Variants in GPATCH8 observed in about 807,000 individuals in gnomAD.
GPATCH8 encodes the protein G-patch domain containing 8, also known as G patch domain-containing protein 8.
Under a neutral mutation model 118.3 loss-of-function variants are expected in GPATCH8, and 18 were observed. That is an observed-to-expected ratio of 0.15 (90% CI 0.11 to 0.23). The LOEUF (loss-of-function observed/expected upper bound fraction) is 0.23. GPATCH8 is among the 10% of genes least tolerant of loss of function. The pLI, the probability that GPATCH8 is intolerant of heterozygous loss-of-function variation, is 1.00. For synonymous variants in GPATCH8, 659 were observed against 684.7 expected (o/e 0.96, Z 0.59); for missense variants, 1,631 against 1,873.8 (o/e 0.87, Z 2.39).
intron 6 of GPATCH8, among the ~76,000 whole-genome samples, chr17:44,411,438 A>C (rs988184946): frequency 6.6e-6 from 1 of 152,160 alleles, no homozygotes; most frequent in Non-Finnish European, 1.5e-5. Context: ...TGACACTAGG[A>C]GTTTATATTT....
chr17:44,444,501 G>A (rs2050805652), intron 3 of GPATCH8, among the ~76,000 whole-genome samples: 1 of 151,976 alleles, frequency 6.6e-6, no homozygotes, highest in Non-Finnish European at 1.5e-5. Context: ...GGCCAGGCAT[G>A]GTGGCTCACG....
At position 44,395,611 on chromosome 17, in the gene GPATCH8, A is replaced by C. The variant is rs1439406638; in HGVS notation, c.*1957T>G. Reference sequence around the variant, plus strand: ...TTCATTTTTCCAGTGCTAGTTATCCAAGAAGTGATGCTTCTGAATCAGATG... The same window carrying C: ...TTCATTTTTCCAGTGCTAGTTATCCCAGAAGTGATGCTTCTGAATCAGATG... On this transcript the variant is annotated 3_prime_UTR_variant, in exon 8 of 8. Transcript: ENST00000591680. 2.2e-6 allele frequency: 1 copy of C among 454,296 alleles called. No homozygotes were observed. The highest frequency in any genetic ancestry group is 2.0e-5 in the African/African-American group (1 of 50,140). 28.1% of individuals were successfully genotyped at this position (454,296 alleles called of 1,614,324 possible).
intron 1 of GPATCH8, among the ~76,000 whole-genome samples, chr17:44,493,054 G>GTTT (rs398039127): frequency 2.4e-5 from 3 of 124,384 alleles, no homozygotes; most frequent in Non-Finnish European, 4.9e-5. Flanking sequence ...AAGCCATTAG[G>GTTT]TTTTTTTTTT....
chr17:44,476,314 C>T (rs1045047050), intron 1 of GPATCH8, among the ~76,000 whole-genome samples: 2 of 151,974 alleles, frequency 1.3e-5, no homozygotes, highest in South Asian at 2.1e-4. Context: ...AAGTGGTATT[C>T]GTGCCTCAGC....
chr17:44,476,394 A>G (rs1336702721), intron 1 of GPATCH8, among the ~76,000 whole-genome samples: 1 of 152,104 alleles, frequency 6.6e-6, no homozygotes, highest in Non-Finnish European at 1.5e-5. Context: ...TAGTAGAGTC[A>G]GGGTTTCACC....
intron 1 of GPATCH8, among the ~76,000 whole-genome samples, chr17:44,480,132 C>T (rs577017940): frequency 6.6e-6 from 1 of 152,122 alleles, no homozygotes; most frequent in East Asian, 1.9e-4. Context: ...AAAAAACAAC[C>T]CAATTTTTAA....
At chr17:44,490,225 T>C (rs1408600289) in intron 1 of GPATCH8, among the ~76,000 whole-genome samples, 2 of 152,078 alleles carry the variant, frequency 1.3e-5, no homozygotes, top group African/African-American at 2.4e-5. Context: ...GGAGGATCCC[T>C]TGAGTCCAGG....
In GPATCH8 at chr17:44,436,504, T is replaced by C; in HGVS notation, c.235A>G (p.Met79Val). The change falls in exon 4 of 8, where the codon ATG becomes GTG. Residue 79 changes from methionine (M) to valine (V), a missense_variant. This residue lies in a region of GPATCH8 where 81 missense variants were observed against 227.6 expected (regional missense o/e 0.36). Coordinates refer to ENST00000591680, the MANE Select transcript of GPATCH8 (RefSeq NM_001002909.4). Reference sequence around the variant, plus strand: ...TCCATTTCCATGCGACCCATGCCCATGACATCATACTTGACAACGATTGGA... The same window carrying C: ...TCCATTTCCATGCGACCCATGCCCACGACATCATACTTGACAACGATTGGA... ...PIPIVVKYDV[M>V]GMGRMEMELD... 1 of 1,492,858 alleles carries C rather than the reference T, an allele frequency of 6.7e-7. No individual in the cohort carries two copies. The highest frequency in any genetic ancestry group is 1.4e-5 in the African/African-American group (1 of 72,704). The allele number at this position is 1,492,858 out of a possible 1,614,324, so 92.5% of individuals were successfully genotyped here.
At chr17:44,421,947 G>C (rs1167906694) in intron 6 of GPATCH8, among the ~76,000 whole-genome samples, 1 of 151,430 alleles carries the variant, frequency 6.6e-6, no homozygotes, top group Non-Finnish European at 1.5e-5. Context: ...GGCTGGTCTC[G>C]AATTGGCTTC....
intron 6 of GPATCH8, among the ~76,000 whole-genome samples, chr17:44,411,187 GATC>G (rs1398932504): frequency 6.6e-6 from 1 of 152,180 alleles, no homozygotes; most frequent in Non-Finnish European, 1.5e-5. Flanking sequence ...GGGCTTTGCA[GATC>G]ATCTGTAAAA....
chr17:44,430,926 C>T (rs1202700307), intron 5 of GPATCH8, among the ~76,000 whole-genome samples: 3 of 151,006 alleles, frequency 2.0e-5, no homozygotes, highest in Non-Finnish European at 4.4e-5. Context: ...GCTGGGATTA[C>T]AGGTGTGAGC....
intron 6 of GPATCH8, among the ~76,000 whole-genome samples, chr17:44,423,387 A>G (rs574254565): frequency 6.6e-6 from 1 of 152,210 alleles, no homozygotes; most frequent in Non-Finnish European, 1.5e-5. Flanking sequence ...CAACCAGCTT[A>G]CAAATTCTTC....
intron 2 of GPATCH8, among the ~76,000 whole-genome samples, chr17:44,470,680 T>C (rs1427230100): frequency 6.6e-6 from 1 of 152,122 alleles, no homozygotes; most frequent in African/African-American, 2.4e-5. Context: ...TGGCTACTTT[T>C]TGTATTTTTA....
At chr17:44,430,514 C>A (rs1475090246) in intron 5 of GPATCH8, among the ~76,000 whole-genome samples, 1 of 152,108 alleles carries the variant, frequency 6.6e-6, no homozygotes, top group Non-Finnish European at 1.5e-5. Flanking sequence ...CTAAACAAAG[C>A]AGGAATTTCT....
intron 2 of GPATCH8, among the ~76,000 whole-genome samples, chr17:44,470,299 G>C (rs1200822655): frequency 1.3e-5 from 2 of 152,046 alleles, no homozygotes; most frequent in Non-Finnish European, 2.9e-5. Flanking sequence ...TTGGGTTCAA[G>C]CGATTCTCCT....
At chr17:44,483,115 C>T (rs1271322805) in intron 1 of GPATCH8, among the ~76,000 whole-genome samples, 6 of 108,984 alleles carry the variant, frequency 5.5e-5, no homozygotes, top group African/African-American at 7.3e-5. Context: ...GAGACAGCAC[C>T]ACTGCACTCT....
At chr17:44,450,970 C>T (rs909712134) in intron 3 of GPATCH8, among the ~76,000 whole-genome samples, 1 of 152,196 alleles carries the variant, frequency 6.6e-6, no homozygotes, top group Admixed American at 6.5e-5. Flanking sequence ...TAAGCTTCCA[C>T]TGTACCTTTA....
intron 2 of GPATCH8, among the ~76,000 whole-genome samples, chr17:44,466,278 G>A (rs1341561747): frequency 6.6e-6 from 1 of 152,104 alleles, no homozygotes; most frequent in African/African-American, 2.4e-5. Flanking sequence ...AAAGTACTGG[G>A]ATTACAGGCA....
Position 44,435,143 on chromosome 17 carries a change from A to G in GPATCH8, c.270T>C (p.Tyr90=), listed in dbSNP as rs768894997. ...GMGRMEMELD[Y]AEDATERRRV... is the part of the protein sequence containing the mutation. ...GGCGCCGTTCGGTAGCATCTTCAGC[A>G]TAATCAAGCTTGACAAAAATAGATA... Residue 90 remains tyrosine, a synonymous_variant, in exon 5 of 8, where the codon TAT becomes TAC. Transcript: ENST00000591680. The G allele has an allele frequency of 1.4e-6, 2 of 1,456,542 alleles. No individual in the cohort carries two copies. The highest frequency in any genetic ancestry group is 2.3e-5 in the South Asian group (2 of 87,862). 90.2% of individuals were successfully genotyped at this position (1,456,542 alleles called of 1,614,324 possible). A position where few individuals can be genotyped will look rare whatever the true frequency, so the allele number is the denominator to read the frequency against.
Sources: allele counts gnomAD v4.1 joint callset (sites outside exome capture counted in the v4.1 genomes callset), GRCh38; gene constraint gnomAD v4.1.1; regional missense constraint gnomAD v4.1.1; transcripts MANE v1.5; gene names NCBI Gene and HGNC (gene_info 2026-07-23, HGNC 2026-07-21).